The following SLC6A7 variants were observed in gnomAD, a reference collection of about 807,000 sequenced individuals.
The protein encoded by SLC6A7 is sodium-dependent proline transporter.
In SLC6A7, 58 loss-of-function variants were observed where a neutral mutation model predicts 73.1. The ratio of observed to expected loss-of-function variants is 0.79; its 90% CI spans 0.64 to 0.99. The LOEUF is 0.99. Ranked by LOEUF, SLC6A7 falls within the 50% of genes least tolerant of loss-of-function variation. The pLI is 0.00. For synonymous variants in SLC6A7, 338 were observed against 338.7 expected, an observed-to-expected ratio of 1.00 and a Z score of 0.02; for missense variants, 783 against 831.4, an observed-to-expected ratio of 0.94 and a Z score of 0.72.
rs777975931 is a variant in SLC6A7 at position 150,209,581 on chromosome 5, G to A, written c.1877G>A (p.Arg626His). ...SFENTAIEVD[R>H]EIAEEEESMM Reference sequence around the variant, plus strand: ...GAGAACACGGCCATCGAGGTGGACCGTGAGATTGCAGAGGAGGAGGAGTCG... The same window carrying A: ...GAGAACACGGCCATCGAGGTGGACCATGAGATTGCAGAGGAGGAGGAGTCG... The change falls in exon 14 of 14, where the codon CGT becomes CAT. Residue 626 changes from arginine to histidine, a missense_variant. Coordinates refer to ENST00000230671, the MANE Select transcript of SLC6A7 (RefSeq NM_014228.5). The A allele has an allele frequency of 8.7e-6, 14 of 1,612,368 alleles. No individual in the cohort carries two copies. Among genetic ancestry groups the A allele is most frequent in the African/African-American group, 8.0e-5 (6 of 75,056 alleles).
intron 1 of SLC6A7, among the ~76,000 whole-genome samples, chr5:150,192,739 G>T (rs1386352590): frequency 2.6e-5 from 4 of 152,180 alleles, no homozygotes; most frequent in African/African-American, 9.7e-5. Flanking sequence ...TGGAAACAGA[G>T]AACCGGGACC....
intron 5 of SLC6A7, among the ~76,000 whole-genome samples, chr5:150,200,549 G>C (rs1195570872): frequency 6.6e-6 from 1 of 152,188 alleles, no homozygotes; most frequent in Non-Finnish European, 1.5e-5. Context: ...CCAATCATTG[G>C]TAAATCAGAA....
rs751132449 is a variant in SLC6A7 at position 150,203,687 on chromosome 5, G to C, written c.1108G>C (p.Val370Leu). Residue 370 changes from valine to leucine, a missense_variant, in exon 9 of 14, where the codon GTC (valine) becomes CTC (leucine). Coordinates refer to ENST00000230671, the MANE Select transcript of SLC6A7 (RefSeq NM_014228.5). The part of the protein sequence containing the change: ...AKAGPGLAFV[V>L]YPQAMTMLPL... ...CCCAGGCCCTGGCCTGGCCTTTGTCGTCTACCCACAGGCCATGACCATGCT... is the reference window on the plus strand; with the variant it reads ...CCCAGGCCCTGGCCTGGCCTTTGTCCTCTACCCACAGGCCATGACCATGCT... 2 of 1,610,298 alleles carry C rather than the reference G, an allele frequency of 1.2e-6. No individual in the cohort carries two copies. The highest frequency in any genetic ancestry group is 1.7e-6 in the Non-Finnish European group (2 of 1,176,652).
chr5:150,196,614 G>A (rs1234166368), intron 2 of SLC6A7, 102 bp from the exon 3 acceptor site: 13 of 1,141,912 alleles, frequency 1.1e-5, no homozygotes, highest in Non-Finnish European at 1.6e-5. Context: ...TGTTCCATCA[G>A]GTCTGAGGGG....
In SLC6A7 at chr5:150,204,137, A is replaced by G; in HGVS notation, c.1332+99A>G. ...GCTGAGCAGTTGCTGGGCCCCCTCC[A>G]TCTTCCTCTTTGCAAGGAACCCAGT... On this transcript the variant is annotated intron_variant, in intron 10 of 13. Coordinates refer to ENST00000230671, the MANE Select transcript of SLC6A7 (RefSeq NM_014228.5). 7.3e-6 allele frequency: 9 copies of G among 1,234,044 alleles called. No individual in the cohort carries two copies. In the South Asian group the frequency reaches 1.3e-4, roughly 18 times the overall value. 76.4% of individuals were successfully genotyped at this position (1,234,044 alleles called of 1,614,324 possible). A position where few individuals can be genotyped will look rare whatever the true frequency, so the allele number is the denominator to read the frequency against.
At position 150,201,230 on chromosome 5, in the gene SLC6A7, C is replaced by G. The variant is rs759797571; in HGVS notation, c.858+7C>G. 1.2e-6 allele frequency: 2 copies of G among 1,600,884 alleles called. No homozygotes were observed. The highest frequency in any genetic ancestry group is 2.3e-5 in the East Asian group (1 of 44,374). ...CCACTTGTTGTCTTCCAAGGTGAGC[C>G]CCTCAGGGCGGGGTGCAGAGGGAGG... On this transcript the variant is annotated splice_region_variant and intron_variant, in intron 6 of 13. Coordinates refer to ENST00000230671, the MANE Select transcript of SLC6A7 (RefSeq NM_014228.5).
chr5:150,191,441 T>C (rs1752779538), intron 1 of SLC6A7, among the ~76,000 whole-genome samples: 2 of 151,836 alleles, frequency 1.3e-5, no homozygotes, highest in South Asian at 4.2e-4. Context: ...TTCTTGTTTT[T>C]TTTTTTTGAG....
rs780383192 is a variant in SLC6A7, at chr5:150,194,903, A to G, written c.209A>G (p.Asn70Ser). The change falls in exon 2 of 14, where the codon AAT becomes AGT. Residue 70 changes from asparagine to serine, a missense_variant. By Grantham distance (46) the Asn-to-Ser change is conservative (BLOSUM62 1). Transcript: ENST00000230671. ...CGCTTCCCCTATCGAGCGTACACCA[A>G]TGGAGGAGGTATGGGCCTGAGGTCC... ...VWRFPYRAYT[N>S]GGGAFLVPYF... is the part of the protein sequence containing the mutation. 2.5e-6 allele frequency: 4 copies of G among 1,613,476 alleles called. No individual in the cohort carries two copies. Among genetic ancestry groups the G allele is most frequent in the Admixed American group, 3.3e-5 (2 of 60,016 alleles).
chr5:150,207,085 G>A lies in SLC6A7; in HGVS notation c.1701+1462G>A, dbSNP rs77869037. On this transcript the variant is annotated intron_variant, in intron 13 of 13. Transcript: ENST00000230671. ...CCTGCCTCTGCCATTTGCCAGCCTC[G>A]CGGCCCTAAGCAAGTTACTGCACTT... Among the ~76,000 whole-genome samples the A allele has an allele frequency of 3.8e-3, 582 of 152,322 alleles. 5 individuals carry two copies. The highest frequency in any genetic ancestry group is 0.013 in the African/African-American group (561 of 41,562).
At chr5:150,200,814 G>A (rs999012640) in intron 5 of SLC6A7, among the ~76,000 whole-genome samples, 6 of 152,280 alleles carry the variant, frequency 3.9e-5, no homozygotes, top group African/African-American at 1.2e-4. Flanking sequence ...TGAGTTTGCA[G>A]GGGCAGGGAG....
At chr5:150,195,128 G>A in intron 2 of SLC6A7, 1 of 509,686 alleles carries the variant, frequency 2.0e-6, no homozygotes, top group Non-Finnish European at 3.5e-6. Context: ...CTCATCCCCA[G>A]GAAGGATACC....
Position 150,209,674 on chromosome 5 carries a change from C to A in SLC6A7, c.*59C>A. 1 of 1,351,918 alleles carries A rather than the reference C, an allele frequency of 7.4e-7. No homozygotes were observed. The highest frequency in any genetic ancestry group is 1.0e-6 in the Non-Finnish European group (1 of 966,916). The allele number at this position is 1,351,918 out of a possible 1,614,324, so 83.7% of individuals were successfully genotyped here. A position where few individuals can be genotyped will look rare whatever the true frequency, so the allele number is the denominator to read the frequency against. On this transcript the variant is annotated 3_prime_UTR_variant, in exon 14 of 14. Transcript: ENST00000230671. ...GGACCTCACAGTCCCTTCTTAGAAG[C>A]CTGCAAAGGTCAGCTGTGCCCTCTG...
intron 4 of SLC6A7, 109 bp from the exon 5 acceptor site, chr5:150,199,119 G>C (rs548467211): frequency 7.2e-7 from 1 of 1,392,964 alleles, no homozygotes; most frequent in Non-Finnish European, 9.5e-7. Context: ...TCAAGAGGGC[G>C]TCAAGTGGAG....
At chr5:150,191,985 G>A (rs1461144593) in intron 1 of SLC6A7, among the ~76,000 whole-genome samples, 1 of 151,968 alleles carries the variant, frequency 6.6e-6, no homozygotes, top group Non-Finnish European at 1.5e-5. Flanking sequence ...ACAGAGGGGT[G>A]AGACTCACTG....
At position 150,197,100 on chromosome 5, in the gene SLC6A7, C is replaced by T. The variant is rs773327385; in HGVS notation, c.408C>T (p.Ile136=). 8.7e-6 allele frequency: 14 copies of T among 1,614,030 alleles called. No homozygotes were observed. The African/African-American group carries it at 1.7e-4, about 20-fold the overall frequency. Residue 136 remains isoleucine, a synonymous_variant, in exon 4 of 14, where the codon ATC becomes ATT. Transcript: ENST00000230671. ...VGLVAIYYNM[I]IAYVLFYLFA... is the part of the protein sequence containing the mutation. ...TGGTGGCCATCTACTACAACATGATCATCGCCTACGTGCTCTTCTACCTCT... is the reference window on the plus strand; with the variant it reads ...TGGTGGCCATCTACTACAACATGATTATCGCCTACGTGCTCTTCTACCTCT...
At chr5:150,192,671 G>A (rs544219205) in intron 1 of SLC6A7, among the ~76,000 whole-genome samples, 1 of 152,268 alleles carries the variant, frequency 6.6e-6, no homozygotes, top group South Asian at 2.1e-4. Flanking sequence ...GCTTCCCTCT[G>A]ATTGGGGGAG....
intron 1 of SLC6A7, among the ~76,000 whole-genome samples, chr5:150,190,742 G>A (rs922150736): frequency 2.6e-5 from 4 of 152,150 alleles, no homozygotes; most frequent in Admixed American, 2.0e-4. Flanking sequence ...ATACCTGAGC[G>A]TTGAGCTGGA....
intron 4 of SLC6A7, among the ~76,000 whole-genome samples, chr5:150,198,107 GAAAGAA>G (rs1753155586): frequency 2.0e-5 from 2 of 101,384 alleles, no homozygotes; most frequent in Non-Finnish European, 4.4e-5. Context: ...AAGAAAGAAA[GAAAGAA>G]AGAGAAAGAA....
rs1185086073 is a variant in SLC6A7, at chr5:150,202,583, A to G, written c.967A>G (p.Thr323Ala). The G allele has an allele frequency of 6.2e-7, 1 of 1,614,188 alleles. No individual in the cohort carries two copies. Among genetic ancestry groups the G allele is most frequent in the Admixed American group, 1.7e-5 (1 of 60,024 alleles). The change falls in exon 8 of 14, where the codon ACT becomes GCT. Residue 323 changes from threonine to alanine, a missense_variant. Transcript: ENST00000230671. Reference protein sequence around the residue: ...NTFHQNIYRDTFIVTLGNAIT... With the variant: ...NTFHQNIYRDAFIVTLGNAIT... The stretch of plus-strand genomic sequence containing the variant: ...CACCTGGACTTCTTCTGGTAGAGAC[A>G]CTTTCATCGTCACTCTGGGCAACGC...
Sources: gnomAD v4.1 joint callset for allele counts (sites outside exome capture counted in the v4.1 genomes callset) on GRCh38, gnomAD v4.1.1 for gene constraint, MANE v1.5 for transcripts, NCBI Gene and HGNC (gene_info 2026-07-23, HGNC 2026-07-21) for gene names.